Variants in NRXN3 observed in about 807,000 individuals in gnomAD.
NRXN3 encodes the protein neurexin III.
Under a neutral mutation model 137.6 loss-of-function variants are expected in NRXN3, and 32 were observed. That is an observed-to-expected ratio of 0.23 (90% CI 0.18 to 0.31). The LOEUF is 0.31. NRXN3 is among the 10% of genes least tolerant of loss of function. The pLI, the probability that NRXN3 is intolerant of heterozygous loss-of-function variation, is 1.00. For missense variants in NRXN3, 1,574 were observed against 2,062.5 expected, an observed-to-expected ratio of 0.76 and a Z score of 4.59; for synonymous variants, 798 against 784.5, an observed-to-expected ratio of 1.02 and a Z score of -0.29.
intron 15 of NRXN3, among the ~76,000 whole-genome samples, chr14:79,203,004 G>A (rs1009458041): frequency 2.6e-5 from 4 of 151,858 alleles, no homozygotes; most frequent in Admixed American, 2.0e-4. Context: ...CCTGTTCACC[G>A]CATCCATGCC....
At chr14:79,235,407 AGAGT>A (rs1274204491) in intron 15 of NRXN3, among the ~76,000 whole-genome samples, 1 of 152,182 alleles carries the variant, frequency 6.6e-6, no homozygotes, top group African/African-American at 2.4e-5. Context: ...CCTCCACCAG[AGAGT>A]GAATGATGTG....
chr14:78,531,852 T>C (rs2096465779), intron 4 of NRXN3, among the ~76,000 whole-genome samples: 1 of 152,198 alleles, frequency 6.6e-6, no homozygotes, highest in African/African-American at 2.4e-5. Flanking sequence ...GGTAAAGCTT[T>C]TGGGGGAAGG....
At chr14:78,638,603 T>A (rs190423634) in intron 4 of NRXN3, among the ~76,000 whole-genome samples, 136 of 152,134 alleles carry the variant, frequency 8.9e-4, no homozygotes, top group Admixed American at 1.8e-3. Flanking sequence ...TACTTTCCCC[T>A]CACTTTTGCA....
intron 17 of NRXN3, among the ~76,000 whole-genome samples, chr14:79,677,862 G>C (rs185682448): frequency 6.6e-6 from 1 of 152,192 alleles, no homozygotes; most frequent in African/African-American, 2.4e-5. Context: ...TCTTCTAAGA[G>C]ACTTGTTCCA....
chr14:78,934,816 G>T (rs1028406718), intron 10 of NRXN3, among the ~76,000 whole-genome samples: 1 of 151,918 alleles, frequency 6.6e-6, no homozygotes, highest in African/African-American at 2.4e-5. Flanking sequence ...GTTGTGGGGT[G>T]GGGGGAGTGG....
intron 15 of NRXN3, among the ~76,000 whole-genome samples, chr14:79,437,893 A>G (rs1291688400): frequency 6.6e-6 from 1 of 152,238 alleles, no homozygotes; most frequent in Non-Finnish European, 1.5e-5. Flanking sequence ...AATGTTCTAA[A>G]TAAGTTCCTT....
intron 16 of NRXN3, among the ~76,000 whole-genome samples, chr14:79,643,847 T>A (rs2098443025): frequency 7.4e-6 from 1 of 135,670 alleles, no homozygotes. Flanking sequence ...GAACAACAAT[T>A]TCTACTGAAA....
intron 4 of NRXN3, among the ~76,000 whole-genome samples, chr14:78,402,936 G>A (rs554510574): frequency 1.1e-4 from 16 of 152,176 alleles, no homozygotes; most frequent in Non-Finnish European, 2.2e-4. Context: ...CCCTGTGAGA[G>A]GTTATGGGTA....
chr14:78,986,365 T>C (rs73317248), intron 14 of NRXN3, among the ~76,000 whole-genome samples: 1 of 152,068 alleles, frequency 6.6e-6, no homozygotes, highest in Admixed American at 6.5e-5. Flanking sequence ...TAATCCTAAA[T>C]GTATAGATTT....
chr14:78,462,082 G>A (rs1340585449), intron 4 of NRXN3, among the ~76,000 whole-genome samples: 4 of 151,962 alleles, frequency 2.6e-5, no homozygotes, highest in East Asian at 1.9e-4. Flanking sequence ...ATGAGGTGAA[G>A]CCCCAAGCAC....
At chr14:79,258,083 C>T (rs1256440218) in intron 15 of NRXN3, among the ~76,000 whole-genome samples, 2 of 152,156 alleles carry the variant, frequency 1.3e-5, no homozygotes, top group African/African-American at 4.8e-5. Flanking sequence ...AGGGTCAAGA[C>T]TGATTAGAGT....
chr14:78,200,599 A>C (rs752119534), intron 1 of NRXN3, among the ~76,000 whole-genome samples: 1 of 152,202 alleles, frequency 6.6e-6, no homozygotes, highest in Non-Finnish European at 1.5e-5. Flanking sequence ...ATGCTGGGGT[A>C]AGTGATGGTA....
intron 15 of NRXN3, among the ~76,000 whole-genome samples, chr14:79,123,563 A>G (rs2055862500): frequency 6.6e-6 from 1 of 152,214 alleles, no homozygotes; most frequent in Non-Finnish European, 1.5e-5. Flanking sequence ...CTGGACTGAG[A>G]GTATTGAGAT....
At chr14:78,262,036 G>C (rs1388028730) in intron 2 of NRXN3, among the ~76,000 whole-genome samples, 1 of 152,130 alleles carries the variant, frequency 6.6e-6, no homozygotes, top group African/African-American at 2.4e-5. Flanking sequence ...CAGAGTGAGG[G>C]GAAATCTAAT....
At chr14:78,812,469 G>C (rs60967550) in intron 10 of NRXN3, among the ~76,000 whole-genome samples, 8,280 of 152,212 alleles carry the variant, frequency 0.054, 414 homozygotes, top group African/African-American at 0.13. Flanking sequence ...TGGAGAACAG[G>C]GAACTGAGGC....
intron 15 of NRXN3, among the ~76,000 whole-genome samples, chr14:79,232,214 T>C (rs1289697189): frequency 6.6e-6 from 1 of 152,104 alleles, no homozygotes; most frequent in Non-Finnish European, 1.5e-5. Context: ...TCCCATGGCA[T>C]CTGGAATCAT....
chr14:79,064,152 T>A (rs921780050), intron 15 of NRXN3, among the ~76,000 whole-genome samples: 1 of 152,162 alleles, frequency 6.6e-6, no homozygotes, highest in African/African-American at 2.4e-5. Flanking sequence ...GTGCTTTTCA[T>A]CTGTGAGCGG....
chr14:79,172,441 G>A (rs1281706098), intron 15 of NRXN3, among the ~76,000 whole-genome samples: 1 of 152,124 alleles, frequency 6.6e-6, no homozygotes, highest in Non-Finnish European at 1.5e-5. Context: ...AAGGGAGAAA[G>A]GATGGAAGGT....
rs563717167 is a variant in NRXN3 at position 79,271,511 on chromosome 14, C to T, written c.3263-195710C>T. Reference sequence around the variant, plus strand: ...CTTCCTGTCTCCTTTTTTCCCCTTCCCTCCCCTCCTCTTTCTTCCCCTTCC... The same window carrying T: ...CTTCCTGTCTCCTTTTTTCCCCTTCTCTCCCCTCCTCTTTCTTCCCCTTCC... On this transcript the variant is annotated intron_variant, in intron 15 of 20. Coordinates refer to ENST00000335750, the MANE Select transcript of NRXN3 (RefSeq NM_001330195.2). 3.0e-5 allele frequency among the ~76,000 whole-genome samples: 4 copies of T among 134,438 alleles called. No individual in the cohort carries two copies. The East Asian group carries it at 1.0e-3, about 35-fold the overall frequency. The allele number at this position is 134,438 out of a possible 152,430, so 88.2% of individuals were successfully genotyped here. A position where few individuals can be genotyped will look rare whatever the true frequency, so the allele number is the denominator to read the frequency against.
Sources: allele counts gnomAD v4.1 joint callset (sites outside exome capture counted in the v4.1 genomes callset), GRCh38; gene constraint gnomAD v4.1.1; transcripts MANE v1.5; gene names NCBI Gene and HGNC (gene_info 2026-07-23, HGNC 2026-07-21).